Variants in AGTRAP observed in about 807,000 individuals in gnomAD.
The protein encoded by AGTRAP is type-1 angiotensin II receptor-associated protein.
Under a neutral mutation model 15.2 loss-of-function variants are expected in AGTRAP, and 7 were observed. The observed-to-expected ratio is 0.46, with a 90% CI of 0.26 to 0.87. The LOEUF (loss-of-function observed/expected upper bound fraction) is 0.87. Ranked by LOEUF, AGTRAP falls within the 40% of genes least tolerant of loss-of-function variation. The pLI is 0.15. For missense variants in AGTRAP, 187 were observed against 213.4 expected (o/e 0.88, Z 0.77); for synonymous variants, 74 against 89.6 (o/e 0.83, Z 0.98).
rs986815576 is a variant in AGTRAP at position 11,745,376 on chromosome 1, C to T, written c.28-427C>T. ...TTTAGCCGGCTTCTTTACTGTAACC[C>T]GTTTTGTCAGCAAGGTCTTTATGAC... On this transcript the variant is annotated intron_variant, in intron 1 of 4. Transcript: ENST00000314340. This position sits in a 1 kb window ranked among gnomAD's most constrained non-coding sequence, Gnocchi z 4.2. Among the ~76,000 whole-genome samples the T allele has an allele frequency of 5.3e-5, 8 of 152,170 alleles. No homozygotes were observed. Among genetic ancestry groups the T allele is most frequent in the African/African-American group, 1.2e-4 (5 of 41,440 alleles).
intron 1 of AGTRAP, among the ~76,000 whole-genome samples, chr1:11,737,120 AG>A (rs1258481787): frequency 1.3e-5 from 2 of 152,244 alleles, no homozygotes; most frequent in Non-Finnish European, 2.9e-5. Flanking sequence ...AAGGAACCTG[AG>A]AAATAGATGG....
rs751817610 is a variant in AGTRAP, at chr1:11,748,562, G to A, written c.316G>A (p.Val106Ile). ...GCTCAAGCCGCTCTCCTGCTGCTTC[G>A]TCTACCACATGTACCGGGAGCGCGG... is the stretch of plus-strand genomic sequence containing the variant. ...LLLKPLSCCF[V>I]YHMYRERGGE... Residue 106 changes from valine (V) to isoleucine (I), a missense_variant, in exon 4 of 5, where the codon GTC becomes ATC. Val to Ile is a conservative substitution (Grantham distance 29). Coordinates refer to ENST00000314340, the MANE Select transcript of AGTRAP (RefSeq NM_020350.5). The A allele has an allele frequency of 6.8e-6, 11 of 1,611,806 alleles. No homozygotes were observed. Among genetic ancestry groups the A allele is most frequent in the South Asian group, 1.1e-5 (1 of 91,092 alleles).
At position 11,748,491 on chromosome 1, in the gene AGTRAP, C is replaced by CGGACACGGGCCGCTTTGGCGT. The variant is rs1642227885; in HGVS notation, c.248_268dup (p.Asp83_Val89dup). ...ATCTTCTACCCGCGGGTCAGCCTCA[C>CGGACACGGGCCGCTTTGGCGT]GGACACGGGCCGCTTTGGCGTGGGC... On this transcript the variant is annotated inframe_insertion, in exon 4 of 5. Coordinates refer to ENST00000314340, the MANE Select transcript of AGTRAP (RefSeq NM_020350.5). 1 of 1,613,402 alleles carries CGGACACGGGCCGCTTTGGCGT rather than the reference C, an allele frequency of 6.2e-7. No homozygotes were observed. The highest frequency in any genetic ancestry group is 8.5e-7 in the Non-Finnish European group (1 of 1,180,036).
intron 1 of AGTRAP, among the ~76,000 whole-genome samples, chr1:11,744,842 A>T (rs536658957): frequency 1.2e-4 from 19 of 152,288 alleles, no homozygotes; most frequent in African/African-American, 4.6e-4. Flanking sequence ...CTTTTTAAAA[A>T]AATTAATTAA....
rs1352913169 is a variant in AGTRAP, at chr1:11,745,507, C to G, written c.28-296C>G. On this transcript the variant is annotated intron_variant, in intron 1 of 4. Coordinates refer to ENST00000314340, the MANE Select transcript of AGTRAP (RefSeq NM_020350.5). The surrounding 1 kb of genome is among the most constrained non-coding windows in gnomAD (Gnocchi z 4.2). ...AGCCTTATTTTACCCAGCTCCTATTCAAGATGGAATTGCTCTGGTTCATAC... is the reference window on the plus strand; with the variant it reads ...AGCCTTATTTTACCCAGCTCCTATTGAAGATGGAATTGCTCTGGTTCATAC... Among the ~76,000 whole-genome samples, 1 of 152,150 alleles carries G rather than the reference C, an allele frequency of 6.6e-6. No individual in the cohort carries two copies. Among genetic ancestry groups the G allele is most frequent in the Non-Finnish European group, 1.5e-5 (1 of 68,030 alleles).
intron 1 of AGTRAP, among the ~76,000 whole-genome samples, chr1:11,737,831 C>T (rs1641937375): frequency 6.6e-6 from 1 of 152,016 alleles, no homozygotes; most frequent in South Asian, 2.1e-4. Flanking sequence ...AAAGGCTGGT[C>T]CTCCCCTTGA....
intron 2 of AGTRAP, chr1:11,746,178 CTG>C (rs1234744476): frequency 4.4e-5 from 71 of 1,613,516 alleles, no homozygotes; most frequent in Non-Finnish European, 5.7e-5. Flanking sequence ...TTGAGCTCAC[CTG>C]TGCACTTTGC....
rs1384772741 is a variant in AGTRAP at position 11,740,022 on chromosome 1, C to T, written c.27+3787C>T. ...GACCCCTGTCTGGGAAAGAGCTGGG[C>T]GGCCTCCCCTGGGCTGAGCACTGTA... On this transcript the variant is annotated intron_variant, in intron 1 of 4. Transcript: ENST00000314340. 2.6e-5 allele frequency among the ~76,000 whole-genome samples: 4 copies of T among 152,194 alleles called. No individual in the cohort carries two copies. In the East Asian group the frequency reaches 5.8e-4, roughly 22 times the overall value.
In AGTRAP at chr1:11,750,532, G is replaced by T; in HGVS notation, c.*340G>T. On this transcript the variant is annotated 3_prime_UTR_variant, in exon 5 of 5. Transcript: ENST00000314340. ...GCTCAGGCCTTTAAGGACTGCTGAT[G>T]CCCCCTCAGGCCTCCCCCAAGTTTG... 1 of 546,048 alleles carries T rather than the reference G, an allele frequency of 1.8e-6. No individual in the cohort carries two copies. Among genetic ancestry groups the T allele is most frequent in the Non-Finnish European group, 3.3e-6 (1 of 306,170 alleles). The allele number at this position is 546,048 out of a possible 1,614,324, so 33.8% of individuals were successfully genotyped here. A position where few individuals can be genotyped will look rare whatever the true frequency, so the allele number is the denominator to read the frequency against.
chr1:11,742,441 G>GTTCC (rs147888116), intron 1 of AGTRAP, among the ~76,000 whole-genome samples: 184 of 149,160 alleles, frequency 1.2e-3, no homozygotes, highest in African/African-American at 4.2e-3. Context: ...CCCTTCCTTC[G>GTTCC]TTCCTTCCTT....
At position 11,745,965 on chromosome 1, in the gene AGTRAP, CTT is replaced by C; in HGVS notation, c.62+129_62+130del. Reference sequence around the variant, plus strand: ...GCCAGACAGCTCTGCCTCTCCGGGTCTTGATTTCCGTCTGTACAATAGGCATA... The same window carrying C: ...GCCAGACAGCTCTGCCTCTCCGGGTCGATTTCCGTCTGTACAATAGGCATA... On this transcript the variant is annotated intron_variant, in intron 2 of 4. Coordinates refer to ENST00000314340, the MANE Select transcript of AGTRAP (RefSeq NM_020350.5). This position sits in a 1 kb window ranked among gnomAD's most constrained non-coding sequence, Gnocchi z 4.2. 1 of 1,393,128 alleles carries C rather than the reference CTT, an allele frequency of 7.2e-7. No individual in the cohort carries two copies. The highest frequency in any genetic ancestry group is 1.0e-6 in the Non-Finnish European group (1 of 980,636). 86.3% of individuals were successfully genotyped at this position (1,393,128 alleles called of 1,614,324 possible).
At chr1:11,740,828 G>T (rs1309081549) in intron 1 of AGTRAP, among the ~76,000 whole-genome samples, 1 of 152,178 alleles carries the variant, frequency 6.6e-6, no homozygotes, top group Non-Finnish European at 1.5e-5. Flanking sequence ...AGAGTTAGGT[G>T]TCGATTTTGG....
At chr1:11,749,997 G>C (rs569675893) in intron 4 of AGTRAP, 80 bp from the exon 5 acceptor site, 1 of 1,143,382 alleles carries the variant, frequency 8.7e-7, no homozygotes, top group African/African-American at 1.5e-5. Context: ...TGGCGGGGGT[G>C]GATCTTGGGT....
At chr1:11,749,729 C>T (rs1642266661) in intron 4 of AGTRAP, among the ~76,000 whole-genome samples, 1 of 152,188 alleles carries the variant, frequency 6.6e-6, no homozygotes, top group African/African-American at 2.4e-5. Context: ...AAGCCCATGG[C>T]ACAGGGGCCA....
chr1:11,744,629 G>A (rs1180973599), intron 1 of AGTRAP: 8 of 705,906 alleles, frequency 1.1e-5, no homozygotes, highest in Non-Finnish European at 1.8e-5. Flanking sequence ...CAGATTCCCT[G>A]CATTCCACAA....
In AGTRAP at chr1:11,745,852, G is replaced by T; in HGVS notation, c.62+15G>T. On this transcript the variant is annotated intron_variant, in intron 2 of 4. Coordinates refer to ENST00000314340, the MANE Select transcript of AGTRAP (RefSeq NM_020350.5). This position sits in a 1 kb window ranked among gnomAD's most constrained non-coding sequence, Gnocchi z 4.2. ...CTGACAACCTGGTAAGTGACTCTGT[G>T]GGTATCTTGTGTGTCTCCTGCGGTC... 6.2e-7 allele frequency: 1 copy of T among 1,613,620 alleles called. No individual in the cohort carries two copies. The highest frequency in any genetic ancestry group is 8.5e-7 in the Non-Finnish European group (1 of 1,179,978).
chr1:11,750,226 C>T lies in AGTRAP; in HGVS notation c.*34C>T, dbSNP rs1386175410. ...ACGCTGCGCCCGGCCCTGCCCCGGG[C>T]CTTCCTCGTGCCTGGGAGGTCGTTC... On this transcript the variant is annotated 3_prime_UTR_variant, in exon 5 of 5. Coordinates refer to ENST00000314340, the MANE Select transcript of AGTRAP (RefSeq NM_020350.5). The T allele has an allele frequency of 1.3e-6, 2 of 1,562,834 alleles. No homozygotes were observed. Among genetic ancestry groups the T allele is most frequent in the Non-Finnish European group, 1.8e-6 (2 of 1,139,442 alleles).
chr1:11,740,634 T>G (rs1025107088), intron 1 of AGTRAP, among the ~76,000 whole-genome samples: 4 of 152,136 alleles, frequency 2.6e-5, no homozygotes, highest in Admixed American at 2.6e-4. Context: ...GCATGACCCT[T>G]AGGGTATCCT....
chr1:11,748,091 A>C (rs1642214934), intron 3 of AGTRAP, among the ~76,000 whole-genome samples: 1 of 152,074 alleles, frequency 6.6e-6, no homozygotes, highest in Non-Finnish European at 1.5e-5. Context: ...TGTGTTGGAG[A>C]AGGACTGGGT....
Sources: allele counts gnomAD v4.1 joint callset (sites outside exome capture counted in the v4.1 genomes callset), GRCh38; gene constraint gnomAD v4.1.1; non-coding constraint Gnocchi (gnomAD v3.1); transcripts MANE v1.5; gene names NCBI Gene and HGNC (gene_info 2026-07-23, HGNC 2026-07-21).